Variants in RALYL observed in about 807,000 individuals in gnomAD.
RALYL encodes RALY RNA binding protein like.
A neutral mutation model predicts 35.1 loss-of-function variants in RALYL; 29 were observed. That is an observed-to-expected ratio of 0.83 (90% CI 0.61 to 1.13). The LOEUF (loss-of-function observed/expected upper bound fraction) is 1.13. Ranked by LOEUF, RALYL falls within the 50% of genes most tolerant of loss-of-function variation. The pLI is 0.00. For synonymous variants in RALYL, 120 were observed against 127.6 expected, an observed-to-expected ratio of 0.94 and a Z score of 0.40; for missense variants, 359 against 360.4, an observed-to-expected ratio of 1.00 and a Z score of 0.03.
intron 2 of RALYL, among the ~76,000 whole-genome samples, chr8:84,689,050 A>G (rs1837443314): frequency 6.6e-6 from 1 of 152,004 alleles, no homozygotes; most frequent in Non-Finnish European, 1.5e-5. Flanking sequence ...TGACTCATAC[A>G]CATTGGAATG....
In RALYL at chr8:84,544,288, CT is replaced by C. The variant is rs200174453; in HGVS notation, c.256+14718del. On this transcript the variant is annotated intron_variant, in intron 2 of 8. Coordinates refer to ENST00000521268, the MANE Select transcript of RALYL (RefSeq NM_173848.7). ...AATATATATATTCAAAGAAATTTAGCTTTTTTTCCCTCTGCTATCCTCTCTC... is the reference window on the plus strand; with the variant it reads ...AATATATATATTCAAAGAAATTTAGCTTTTTTCCCTCTGCTATCCTCTCTC... 3.0e-3 allele frequency among the ~76,000 whole-genome samples: 459 copies of C among 151,880 alleles called. 5 individuals carry two copies. Among genetic ancestry groups the C allele is most frequent in the African/African-American group, 0.01 (415 of 41,482 alleles).
intron 2 of RALYL, among the ~76,000 whole-genome samples, chr8:84,588,508 G>A (rs548650225): frequency 1.9e-4 from 29 of 152,284 alleles, no homozygotes; most frequent in African/African-American, 7.0e-4. Flanking sequence ...AATGTTCTCT[G>A]AAGACATCAC....
At chr8:84,430,012 TAA>T (rs879295888) in intron 1 of RALYL, among the ~76,000 whole-genome samples, 7 of 141,080 alleles carry the variant, frequency 5.0e-5, no homozygotes, top group Admixed American at 7.1e-5. Context: ...AGAGTTTGCT[TAA>T]AAAAAAAAAA....
At chr8:84,747,230 AC>A (rs1808812262) in intron 2 of RALYL, among the ~76,000 whole-genome samples, 2 of 151,772 alleles carry the variant, frequency 1.3e-5, no homozygotes, top group South Asian at 4.2e-4. Context: ...TGATACCCTT[AC>A]TCTGCAGCAT....
At chr8:84,633,537 A>G (rs1824388064) in intron 2 of RALYL, among the ~76,000 whole-genome samples, 1 of 151,900 alleles carries the variant, frequency 6.6e-6, no homozygotes, top group African/African-American at 2.4e-5. Flanking sequence ...TTTTGGTAAA[A>G]TGTTATTTAT....
chr8:84,531,850 A>G (rs2059296269), intron 2 of RALYL, among the ~76,000 whole-genome samples: 2 of 152,066 alleles, frequency 1.3e-5, no homozygotes, highest in South Asian at 4.1e-4. Flanking sequence ...ATGGGCAAAG[A>G]TAAATACCAC....
intron 2 of RALYL, among the ~76,000 whole-genome samples, chr8:84,602,608 C>T (rs1816220353): frequency 1.3e-5 from 2 of 152,058 alleles, no homozygotes; most frequent in Non-Finnish European, 1.5e-5. Flanking sequence ...TTAGTGCAAA[C>T]GTTTAGCATG....
At position 84,794,747 on chromosome 8, in the gene RALYL, A is replaced by G. The variant is rs76815127; in HGVS notation, c.333-10023A>G. On this transcript the variant is annotated intron_variant, in intron 3 of 8. Transcript: ENST00000521268. Reference sequence around the variant, plus strand: ...CCCCCAAAGCTGTTGGAGCATTTCAATTATCCTAGGAGAATCTGCCAGTGG... The same window carrying G: ...CCCCCAAAGCTGTTGGAGCATTTCAGTTATCCTAGGAGAATCTGCCAGTGG... Among the ~76,000 whole-genome samples the G allele has an allele frequency of 2.4e-4, 36 of 152,234 alleles. 1 individual carries two copies. In the East Asian group the frequency reaches 6.6e-3, roughly 28 times the overall value.
intron 2 of RALYL, among the ~76,000 whole-genome samples, chr8:84,698,720 C>G (rs552579265): frequency 6.6e-6 from 1 of 152,074 alleles, no homozygotes; most frequent in Non-Finnish European, 1.5e-5. Context: ...CAGACGTTGA[C>G]TAAGATAGAA....
chr8:84,284,173 G>A (rs1837164187), intron 1 of RALYL, among the ~76,000 whole-genome samples: 1 of 152,168 alleles, frequency 6.6e-6, no homozygotes. Flanking sequence ...AAAATATTGC[G>A]ATGAGATGCG....
At chr8:84,731,350 G>T (rs1017945123) in intron 2 of RALYL, among the ~76,000 whole-genome samples, 1 of 152,106 alleles carries the variant, frequency 6.6e-6, no homozygotes, top group Non-Finnish European at 1.5e-5. Flanking sequence ...AAGGATCAGA[G>T]AAGTATTTTA....
intron 1 of RALYL, among the ~76,000 whole-genome samples, chr8:84,329,582 T>G (rs1846436542): frequency 6.6e-6 from 1 of 152,150 alleles, no homozygotes; most frequent in Admixed American, 6.6e-5. Flanking sequence ...TAGTTTCTTT[T>G]GCTGTGCAAA....
At chr8:84,192,033 C>T (rs1814016607) in intron 1 of RALYL, among the ~76,000 whole-genome samples, 1 of 152,172 alleles carries the variant, frequency 6.6e-6, no homozygotes, top group South Asian at 2.1e-4. Flanking sequence ...ATCTGCAAGT[C>T]ATCGTTTTAA....
intron 1 of RALYL, among the ~76,000 whole-genome samples, chr8:84,363,388 T>C (rs1034692125): frequency 2.0e-5 from 3 of 152,152 alleles, no homozygotes; most frequent in Non-Finnish European, 4.4e-5. Context: ...GGCTGCTTTG[T>C]CACACCAATG....
intron 2 of RALYL, among the ~76,000 whole-genome samples, chr8:84,677,476 T>C (rs1588944428): frequency 6.6e-6 from 1 of 152,156 alleles, no homozygotes. Flanking sequence ...TATGTTATAA[T>C]AGCAAGAATA....
At chr8:84,782,970 T>C (rs1396186982) in intron 3 of RALYL, among the ~76,000 whole-genome samples, 5 of 152,250 alleles carry the variant, frequency 3.3e-5, no homozygotes, top group Non-Finnish European at 7.3e-5. Flanking sequence ...ATGTAGGGTC[T>C]TGAGCGTCCA....
At chr8:84,441,640 C>A (rs1481097448) in intron 1 of RALYL, among the ~76,000 whole-genome samples, 1 of 152,016 alleles carries the variant, frequency 6.6e-6, no homozygotes, top group African/African-American at 2.4e-5. Context: ...ACTGTCGGAG[C>A]TAGAAGAACC....
chr8:84,800,495 C>A (rs1822982041), intron 3 of RALYL, among the ~76,000 whole-genome samples: 1 of 152,112 alleles, frequency 6.6e-6, no homozygotes, highest in South Asian at 2.1e-4. Flanking sequence ...GACCTTCATT[C>A]TGTGTTCTAT....
intron 1 of RALYL, among the ~76,000 whole-genome samples, chr8:84,309,651 A>G (rs541149448): frequency 3.3e-5 from 5 of 152,344 alleles, no homozygotes; most frequent in African/African-American, 1.2e-4. Flanking sequence ...CGAAATAAGC[A>G]TATAATTTAT....
Sources: gnomAD v4.1 joint callset for allele counts (sites outside exome capture counted in the v4.1 genomes callset) on GRCh38, gnomAD v4.1.1 for gene constraint, MANE v1.5 for transcripts, NCBI Gene and HGNC (gene_info 2026-07-23, HGNC 2026-07-21) for gene names.